Variants in FLT3 observed in about 807,000 individuals in gnomAD.
FLT3 encodes fms related receptor tyrosine kinase 3, also known as receptor-type tyrosine-protein kinase FLT3.
Under a neutral mutation model 126.6 loss-of-function variants are expected in FLT3, and 46 were observed. The ratio of observed to expected loss-of-function variants is 0.36; its 90% CI spans 0.29 to 0.46. FLT3 has a LOEUF of 0.46. FLT3 is among the 20% of genes least tolerant of loss of function. The pLI is 1.00. For synonymous variants in FLT3, 404 were observed against 434.4 expected, an observed-to-expected ratio of 0.93 and a Z score of 0.87; for missense variants, 1,069 against 1,190.3, an observed-to-expected ratio of 0.90 and a Z score of 1.50.
intron 19 of FLT3, among the ~76,000 whole-genome samples, chr13:28,021,989 G>A (rs565367856): frequency 5.4e-4 from 82 of 151,898 alleles, no homozygotes; most frequent in African/African-American, 1.9e-3. Context: ...CACCCACCTC[G>A]GCCTCCCAAA....
intron 1 of FLT3, among the ~76,000 whole-genome samples, chr13:28,078,388 T>C (rs1268865781): frequency 2.6e-5 from 4 of 152,226 alleles, no homozygotes; most frequent in Non-Finnish European, 4.4e-5. Context: ...GAACACCACG[T>C]GGAAGCTGCC....
Position 28,100,405 on chromosome 13 carries a change from C to A in FLT3, c.43+63G>T, listed in dbSNP as rs930109053. The A allele has an allele frequency of 8.7e-7, 1 of 1,148,648 alleles. No individual in the cohort carries two copies. The highest frequency in any genetic ancestry group is 1.1e-6 in the Non-Finnish European group (1 of 916,406). The allele number at this position is 1,148,648 out of a possible 1,614,324, so 71.2% of individuals were successfully genotyped here. ...GGCCGGAGGAGGCGCGCGCCCGGGT[C>A]CACACTGCGGGGTGGGGGCTGAGGG... On this transcript the variant is annotated intron_variant, in intron 1 of 23. Coordinates refer to ENST00000241453, the MANE Select transcript of FLT3 (RefSeq NM_004119.3). This position sits in a 1 kb window ranked among gnomAD's most constrained non-coding sequence, Gnocchi z 4.8.
chr13:28,083,175 T>C (rs1878445924), intron 1 of FLT3, among the ~76,000 whole-genome samples: 1 of 152,172 alleles, frequency 6.6e-6, no homozygotes, highest in Admixed American at 6.6e-5. Context: ...GCTAAGAGGT[T>C]TTTGTCAGTA....
intron 2 of FLT3, among the ~76,000 whole-genome samples, chr13:28,062,743 CAAAAAAA>C (rs59718306): frequency 1.1e-5 from 1 of 89,996 alleles, no homozygotes; most frequent in African/African-American, 4.8e-5. Flanking sequence ...AACTCTGTCT[CAAAAAAA>C]AAAAAAAAAG....
chr13:28,045,277 C>A (rs758357316), intron 9 of FLT3, among the ~76,000 whole-genome samples: 6 of 152,140 alleles, frequency 3.9e-5, no homozygotes, highest in African/African-American at 1.2e-4. Flanking sequence ...TACATTCTTG[C>A]GGGAGAGGGA....
intron 4 of FLT3, among the ~76,000 whole-genome samples, chr13:28,055,480 G>T (rs948240118): frequency 6.6e-5 from 10 of 152,250 alleles, no homozygotes; most frequent in African/African-American, 2.4e-4. Context: ...ATATTTTCAT[G>T]AACACTGCCA....
chr13:28,028,234 G>A lies in FLT3; in HGVS notation c.1997C>T (p.Thr666Ile), dbSNP rs1200462604. Residue 666 changes from threonine to isoleucine, a missense_variant, in exon 16 of 24, where the codon ACC becomes ATC. By Grantham distance (89) the Thr-to-Ile change is moderately conservative. Transcript: ENST00000241453. ...AATATTCTCGTGGCTTCCCAGCTGG[G>A]TCATCATCTTGAGTTCTGACATGAG... ...EALMSELKMMTQLGSHENIVN... is the reference protein window; with the variant it reads ...EALMSELKMMIQLGSHENIVN... The A allele has an allele frequency of 6.2e-7, 1 of 1,612,456 alleles. No homozygotes were observed. The highest frequency in any genetic ancestry group is 1.3e-5 in the African/African-American group (1 of 75,008).
chr13:28,057,557 C>T (rs1021613948), intron 3 of FLT3, 95 bp from the exon 4 acceptor site: 4 of 688,086 alleles, frequency 5.8e-6, no homozygotes, highest in Middle Eastern at 3.9e-4. Context: ...GGTACTCCAG[C>T]GTTCCCCGAC....
intron 2 of FLT3, among the ~76,000 whole-genome samples, chr13:28,066,986 G>A (rs1877093752): frequency 2.0e-5 from 3 of 152,140 alleles, no homozygotes; most frequent in Non-Finnish European, 4.4e-5. Flanking sequence ...ATGACTTCCT[G>A]TCACTCTGAA....
At chr13:28,038,614 G>A (rs553041577) in intron 9 of FLT3, among the ~76,000 whole-genome samples, 11 of 151,892 alleles carry the variant, frequency 7.2e-5, no homozygotes, top group Middle Eastern at 3.4e-3. Context: ...CACCACGCCC[G>A]GCTAATTTTT....
At chr13:28,086,984 G>A (rs368944934) in intron 1 of FLT3, among the ~76,000 whole-genome samples, 23 of 152,186 alleles carry the variant, frequency 1.5e-4, no homozygotes, top group East Asian at 1.4e-3. Flanking sequence ...TATTGTGCCA[G>A]TCTGGTAGTG....
chr13:28,078,800 G>A (rs576047047), intron 1 of FLT3, among the ~76,000 whole-genome samples: 11 of 149,816 alleles, frequency 7.3e-5, no homozygotes, highest in South Asian at 2.1e-4. Context: ...CACAACCTCC[G>A]CCTCCCAGGT....
chr13:28,024,562 T>G (rs1055146443), intron 18 of FLT3, among the ~76,000 whole-genome samples: 3 of 152,244 alleles, frequency 2.0e-5, no homozygotes, highest in Non-Finnish European at 4.4e-5. Flanking sequence ...TAAGCAGAAG[T>G]TAATCCAAAT....
rs139968488 is a variant in FLT3 at position 28,057,921 on chromosome 13, C to G, written c.369-459G>C. Among the ~76,000 whole-genome samples the G allele has an allele frequency of 4.9e-3, 745 of 151,934 alleles. 4 individuals are homozygous for G. Among genetic ancestry groups the G allele is most frequent in the African/African-American group, 0.017 (694 of 41,440 alleles). On this transcript the variant is annotated intron_variant, in intron 3 of 23. Coordinates refer to ENST00000241453, the MANE Select transcript of FLT3 (RefSeq NM_004119.3). ...TGAGAATGGCGCAGGCGCCTGTAAT[C>G]CCAGCTACTCAGGACACTGAGGCAG...
rs780584936 is a variant in FLT3, at chr13:28,092,915, CTTTTT to C, written c.43+7548_43+7552del. 5.0e-4 allele frequency among the ~76,000 whole-genome samples: 45 copies of C among 89,846 alleles called. 1 individual carries two copies. The highest frequency in any genetic ancestry group is 2.8e-3 in the Admixed American group (22 of 7,834). 58.9% of individuals were successfully genotyped at this position (89,846 alleles called of 152,430 possible). On this transcript the variant is annotated intron_variant, in intron 1 of 23. Coordinates refer to ENST00000241453, the MANE Select transcript of FLT3 (RefSeq NM_004119.3). ...CCCCCTGAAATCCATCCAGAGACTA[CTTTTT>C]TTTTTTTTTTTTTTTTTTTGAGACA...
chr13:28,018,621 T>C, intron 19 of FLT3, 32 bp from the exon 20 acceptor site: 1 of 1,612,274 alleles, frequency 6.2e-7, no homozygotes, highest in Non-Finnish European at 8.5e-7. Context: ...TGTTATTTAC[T>C]GTGATGTGTA....
chr13:28,074,559 C>G (rs555137248), intron 1 of FLT3, among the ~76,000 whole-genome samples: 1 of 152,268 alleles, frequency 6.6e-6, no homozygotes, highest in African/African-American at 2.4e-5. Flanking sequence ...GTGTCACATC[C>G]TCGCTAACAT....
chr13:28,014,149 A>G (rs910517586), intron 23 of FLT3, among the ~76,000 whole-genome samples: 1 of 151,962 alleles, frequency 6.6e-6, no homozygotes, highest in Non-Finnish European at 1.5e-5. Flanking sequence ...CTGCCCTCCC[A>G]TGGTCCTAGC....
At chr13:28,056,152 C>T (rs1875982167) in intron 4 of FLT3, among the ~76,000 whole-genome samples, 1 of 152,132 alleles carries the variant, frequency 6.6e-6, no homozygotes, top group Non-Finnish European at 1.5e-5. Flanking sequence ...GACAGCAAGA[C>T]CCACACATTC....
Sources: gnomAD v4.1 joint callset for allele counts (sites outside exome capture counted in the v4.1 genomes callset) on GRCh38, gnomAD v4.1.1 for gene constraint, Gnocchi (gnomAD v3.1) non-coding constraint, MANE v1.5 for transcripts, NCBI Gene and HGNC (gene_info 2026-07-23, HGNC 2026-07-21) for gene names.